NRXN3: variants seen among roughly 807,000 people sequenced by gnomAD.
The protein encoded by NRXN3 is neurexin 3, also known as neurexin III.
Under a neutral mutation model 137.6 loss-of-function variants are expected in NRXN3, and 32 were observed. The observed-to-expected ratio is 0.23, with a 90% CI of 0.18 to 0.31. NRXN3 has a LOEUF of 0.31. NRXN3 is among the 10% of genes least tolerant of loss of function. The probability of loss-of-function intolerance (pLI) is 1.00; values close to 1 mark genes in which losing one functional copy is unlikely to be tolerated. For synonymous variants in NRXN3, 798 were observed against 784.5 expected (o/e 1.02, Z -0.29); for missense variants, 1,574 against 2,062.5 (o/e 0.76, Z 4.59).
At chr14:78,864,656 C>A (rs1007013066) in intron 10 of NRXN3, among the ~76,000 whole-genome samples, 3 of 152,070 alleles carry the variant, frequency 2.0e-5, no homozygotes, top group Non-Finnish European at 2.9e-5. Context: ...AAAAAGCATA[C>A]AAATTAATAT....
intron 11 of NRXN3, among the ~76,000 whole-genome samples, chr14:78,965,706 A>T (rs981333748): frequency 1.3e-5 from 2 of 152,136 alleles, no homozygotes; most frequent in Non-Finnish European, 2.9e-5. Flanking sequence ...TTCTTCTTAT[A>T]GTGTGTATTA....
At chr14:78,530,960 C>A (rs1053908637) in intron 4 of NRXN3, among the ~76,000 whole-genome samples, 8 of 152,178 alleles carry the variant, frequency 5.3e-5, no homozygotes, top group Admixed American at 5.2e-4. Context: ...AGCAAAGTGG[C>A]TTCTTGACTA....
chr14:79,302,823 G>A (rs1351862676), intron 15 of NRXN3, among the ~76,000 whole-genome samples: 1 of 151,900 alleles, frequency 6.6e-6, no homozygotes, highest in Non-Finnish European at 1.5e-5. Context: ...ATATGGAACT[G>A]TGAGTCAATT....
rs1396551145 is a variant in NRXN3 at position 78,433,227 on chromosome 14, T to C, written c.757+135367T>C. Among the ~76,000 whole-genome samples, 4 of 152,214 alleles carry C rather than the reference T, an allele frequency of 2.6e-5. No homozygotes were observed. The East Asian group carries it at 7.7e-4, about 29-fold the overall frequency. ...TCAGCCAAGAGCTACTCTTAGCTCC[T>C]AAGGGTCTCTTGGATTCCTTGTCAC... On this transcript the variant is annotated intron_variant, in intron 4 of 20. Transcript: ENST00000335750.
intron 4 of NRXN3, among the ~76,000 whole-genome samples, chr14:78,523,282 T>C (rs2096312701): frequency 6.6e-6 from 1 of 152,206 alleles, no homozygotes; most frequent in Admixed American, 6.5e-5. Flanking sequence ...ACATCTCCCT[T>C]CCCTGTCAAG....
At chr14:78,938,165 C>T (rs2099345728) in intron 10 of NRXN3, among the ~76,000 whole-genome samples, 1 of 152,144 alleles carries the variant, frequency 6.6e-6, no homozygotes, top group Admixed American at 6.5e-5. Context: ...TCACCATATC[C>T]CCTTGATTAA....
intron 8 of NRXN3, among the ~76,000 whole-genome samples, chr14:78,802,945 A>G (rs2098843939): frequency 6.6e-6 from 1 of 152,210 alleles, no homozygotes; most frequent in South Asian, 2.1e-4. Context: ...GACTGTCTCA[A>G]AAAAATAAAA....
intron 4 of NRXN3, among the ~76,000 whole-genome samples, chr14:78,463,251 A>ATATG (rs2094980714): frequency 6.6e-6 from 1 of 152,088 alleles, no homozygotes; most frequent in Non-Finnish European, 1.5e-5. Context: ...GTGTGTGTAT[A>ATATG]TATGTATGTA....
intron 1 of NRXN3, among the ~76,000 whole-genome samples, chr14:78,217,969 A>G (rs1307462781): frequency 6.6e-6 from 1 of 152,204 alleles, no homozygotes; most frequent in Non-Finnish European, 1.5e-5. Flanking sequence ...CTTAAATAGC[A>G]TTGTCTTAAT....
At chr14:78,171,723 C>G (rs1373754668) in intron 1 of NRXN3, among the ~76,000 whole-genome samples, 1 of 150,270 alleles carries the variant, frequency 6.7e-6, no homozygotes, top group African/African-American at 2.5e-5. Context: ...GGTGACTTAC[C>G]CTGTGATTAC....
chr14:78,806,529 G>A (rs528859028), intron 9 of NRXN3, among the ~76,000 whole-genome samples: 1 of 152,232 alleles, frequency 6.6e-6, no homozygotes, highest in South Asian at 2.1e-4. Flanking sequence ...TCTAGCCCAT[G>A]CACTAACAAT....
chr14:79,432,546 C>A (rs1353945789), intron 15 of NRXN3, among the ~76,000 whole-genome samples: 2 of 152,158 alleles, frequency 1.3e-5, no homozygotes, highest in Non-Finnish European at 2.9e-5. Context: ...CTTGAGAAGA[C>A]CCCCAGTCTG....
intron 15 of NRXN3, among the ~76,000 whole-genome samples, chr14:79,200,785 T>A (rs182322901): frequency 6.6e-6 from 1 of 151,912 alleles, no homozygotes; most frequent in South Asian, 2.1e-4. Context: ...GAGTTCTTTT[T>A]TAAATCACTA....
intron 15 of NRXN3, among the ~76,000 whole-genome samples, chr14:79,111,613 A>C (rs1217641739): frequency 6.6e-6 from 1 of 151,880 alleles, no homozygotes; most frequent in East Asian, 1.9e-4. Flanking sequence ...GTGATGCATG[A>C]TATAGTCCCA....
chr14:79,157,440 A>G (rs778778490), intron 15 of NRXN3, among the ~76,000 whole-genome samples: 28 of 151,774 alleles, frequency 1.8e-4, no homozygotes, highest in Non-Finnish European at 3.2e-4. Context: ...TTTGGCTAGT[A>G]TAATATTTCC....
chr14:79,662,708 T>G (rs1285799809), intron 16 of NRXN3, among the ~76,000 whole-genome samples: 1 of 151,972 alleles, frequency 6.6e-6, no homozygotes, highest in Non-Finnish European at 1.5e-5. Context: ...CTTCCAATCA[T>G]GGCAAATAGG....
chr14:78,382,339 T>C (rs1249557010), intron 4 of NRXN3, among the ~76,000 whole-genome samples: 1 of 152,148 alleles, frequency 6.6e-6, no homozygotes, highest in Non-Finnish European at 1.5e-5. Context: ...ATAGAGATAC[T>C]CTATAATAGC....
chr14:79,011,578 T>C (rs753156001), intron 15 of NRXN3, among the ~76,000 whole-genome samples: 19 of 152,052 alleles, frequency 1.2e-4, no homozygotes, highest in Non-Finnish European at 2.6e-4. Context: ...TTTTCAACCT[T>C]CTTGCAATAA....
chr14:78,571,447 T>C lies in NRXN3; in HGVS notation c.758-73673T>C, dbSNP rs1307774484. 4.6e-5 allele frequency among the ~76,000 whole-genome samples: 7 copies of C among 152,308 alleles called. No individual in the cohort carries two copies. In the South Asian group the frequency reaches 1.2e-3, roughly 27 times the overall value. On this transcript the variant is annotated intron_variant, in intron 4 of 20. Coordinates refer to ENST00000335750, the MANE Select transcript of NRXN3 (RefSeq NM_001330195.2). ...TTAGTTTTGTCTTTGGGGATGAGTA[T>C]GTATTTTGTTGGGAAGGTGGATGCC...
Sources: allele counts gnomAD v4.1 joint callset (sites outside exome capture counted in the v4.1 genomes callset), GRCh38; gene constraint gnomAD v4.1.1; transcripts MANE v1.5; gene names NCBI Gene and HGNC (gene_info 2026-07-23, HGNC 2026-07-21).